KAZN: variants seen among roughly 807,000 people sequenced by gnomAD.
The protein encoded by KAZN is kazrin, periplakin interacting protein.
A neutral mutation model predicts 87.4 loss-of-function variants in KAZN; 40 were observed. The ratio of observed to expected loss-of-function variants is 0.46; its 90% CI spans 0.36 to 0.60. The LOEUF (loss-of-function observed/expected upper bound fraction) is 0.60. Among genes scored for constraint, KAZN ranks in the 20% least tolerant of loss-of-function variants. The pLI is 0.00. For missense variants in KAZN, 898 were observed against 1,073.9 expected (o/e 0.84, Z 2.29); for synonymous variants, 466 against 458.3 (o/e 1.02, Z -0.22).
intron 1 of KAZN, among the ~76,000 whole-genome samples, chr1:13,977,850 G>A (rs1447464460): frequency 6.6e-6 from 1 of 152,172 alleles, no homozygotes; most frequent in Non-Finnish European, 1.5e-5. Context: ...TCTCTAGACT[G>A]GGCACGGTGG....
chr1:15,020,819 A>G (rs933574942), intron 2 of KAZN, among the ~76,000 whole-genome samples: 27 of 152,280 alleles, frequency 1.8e-4, no homozygotes, highest in Admixed American at 1.2e-3. Flanking sequence ...CAGATGGCAA[A>G]AACGCTGGCA....
At chr1:14,501,091 ATAAATAAAT>A (rs1670218043) in intron 2 of KAZN, among the ~76,000 whole-genome samples, 1 of 70,724 alleles carries the variant, frequency 1.4e-5, no homozygotes, top group South Asian at 3.9e-4. Context: ...AAATAAATAA[ATAAATAAAT>A]AAATAAATAA....
rs562470468 is a variant in KAZN, at chr1:14,157,013, T to C, written c.92-23422T>C. On this transcript the variant is annotated intron_variant, in intron 1 of 16. Transcript: ENST00000636203. The stretch of plus-strand genomic sequence containing the variant: ...TATTTTTCATGTATCCTTGTAGTTT[T>C]TTGATTTGAGGTTACCATGAGACTT... Among the ~76,000 whole-genome samples the C allele has an allele frequency of 5.3e-5, 8 of 152,112 alleles. No individual in the cohort carries two copies. In the South Asian group the frequency reaches 1.7e-3, roughly 32 times the overall value.
At chr1:14,017,108 T>C (rs1033539906) in intron 1 of KAZN, among the ~76,000 whole-genome samples, 18 of 152,206 alleles carry the variant, frequency 1.2e-4, no homozygotes, top group Admixed American at 2.0e-4. Flanking sequence ...TCCCTTCTTG[T>C]TCTCAGTATT....
intron 8 of KAZN, among the ~76,000 whole-genome samples, chr1:15,076,408 C>T (rs944423515): frequency 6.6e-6 from 1 of 152,218 alleles, no homozygotes; most frequent in Non-Finnish European, 1.5e-5. Flanking sequence ...AGGCTCAATC[C>T]CAGCATCGGC....
intron 1 of KAZN, among the ~76,000 whole-genome samples, chr1:14,958,382 A>G (rs781716095): frequency 9.8e-5 from 10 of 102,242 alleles, no homozygotes; most frequent in South Asian, 2.8e-4. Flanking sequence ...CACTTCTTAT[A>G]TACATGGAGC....
At chr1:14,117,227 T>C (rs999555903) in intron 1 of KAZN, among the ~76,000 whole-genome samples, 8 of 152,154 alleles carry the variant, frequency 5.3e-5, no homozygotes, top group Non-Finnish European at 1.0e-4. Context: ...TTTGGCTGTG[T>C]CCCCATCCAA....
intron 1 of KAZN, among the ~76,000 whole-genome samples, chr1:14,600,938 T>C (rs1049999319): frequency 6.6e-6 from 1 of 152,218 alleles, no homozygotes; most frequent in African/African-American, 2.4e-5. Context: ...GATGTCCACA[T>C]GCTCAACTTG....
chr1:14,787,934 T>A (rs1318574175), intron 1 of KAZN, among the ~76,000 whole-genome samples: 3 of 152,200 alleles, frequency 2.0e-5, no homozygotes, highest in Admixed American at 2.0e-4. Context: ...TCAGTCAGAC[T>A]TAGGACCATG....
intron 1 of KAZN, among the ~76,000 whole-genome samples, chr1:14,812,167 C>A (rs1646431948): frequency 6.6e-6 from 1 of 152,128 alleles, no homozygotes; most frequent in African/African-American, 2.4e-5. Flanking sequence ...TGAAGGGTGT[C>A]CCAGGATTAG....
chr1:14,183,855 C>T (rs926946719), intron 2 of KAZN, among the ~76,000 whole-genome samples: 3 of 152,096 alleles, frequency 2.0e-5, no homozygotes, highest in African/African-American at 7.2e-5. Context: ...GGGCTTCCTT[C>T]TGCAGGCCAT....
At chr1:15,018,512 G>T (rs1430782559) in intron 2 of KAZN, among the ~76,000 whole-genome samples, 2 of 151,642 alleles carry the variant, frequency 1.3e-5, no homozygotes, top group Non-Finnish European at 2.9e-5. Flanking sequence ...AGCCGTCATG[G>T]GGTCCCCTGG....
At chr1:14,852,055 TG>T (rs1649512351) in intron 1 of KAZN, among the ~76,000 whole-genome samples, 1 of 152,178 alleles carries the variant, frequency 6.6e-6, no homozygotes. Context: ...CTAGGCAATT[TG>T]TTTCTCCTTT....
In KAZN at chr1:14,444,389, C is replaced by T. The variant is rs1042235512; in HGVS notation, c.250-154594C>T. Among the ~76,000 whole-genome samples, 8 of 149,436 alleles carry T rather than the reference C, an allele frequency of 5.4e-5. 1 individual carries two copies. In the South Asian group the frequency reaches 1.7e-3, roughly 32 times the overall value. On this transcript the variant is annotated intron_variant, in intron 2 of 16. Coordinates refer to the KAZN transcript ENST00000636203. ...GTGCAATGGCACAATCTTGGCTCAC[C>T]GCAACCTCCACCTCCCAGGTCCAAC... is the stretch of plus-strand genomic sequence containing the variant.
At position 15,062,562 on chromosome 1, in the gene KAZN, C is replaced by T. The variant is rs145017207; in HGVS notation, c.1048-1010C>T. On this transcript the variant is annotated intron_variant, in intron 6 of 14. Coordinates refer to ENST00000376030, the MANE Select transcript of KAZN (RefSeq NM_201628.3). ...AGCCTGGACTAATGACTGCCTCATC[C>T]TCTCACACTCTGGCCACTAATTTAG... 2.6e-5 allele frequency: 4 copies of T among 152,678 alleles called. No homozygotes were observed. The East Asian group carries it at 7.7e-4, about 29-fold the overall frequency. The allele number at this position is 152,678 out of a possible 1,614,324, so 9.5% of individuals were successfully genotyped here.
At chr1:14,136,890 A>G (rs536407737) in intron 1 of KAZN, among the ~76,000 whole-genome samples, 31 of 152,132 alleles carry the variant, frequency 2.0e-4, no homozygotes, top group African/African-American at 7.0e-4. Context: ...AGGAGAGGTC[A>G]TCAAGCTTTC....
intron 1 of KAZN, among the ~76,000 whole-genome samples, chr1:13,996,810 G>A (rs1054040489): frequency 1.3e-5 from 2 of 152,260 alleles, no homozygotes; most frequent in East Asian, 3.9e-4. Flanking sequence ...CGGATGAGTG[G>A]GTTTCCCCCC....
At chr1:14,946,521 T>C (rs954769946) in intron 1 of KAZN, among the ~76,000 whole-genome samples, 3 of 152,032 alleles carry the variant, frequency 2.0e-5, no homozygotes, top group Non-Finnish European at 4.4e-5. Context: ...GTATTTATAG[T>C]AGAGACAGGG....
At chr1:14,905,822 G>A (rs1025701005) in intron 1 of KAZN, among the ~76,000 whole-genome samples, 2 of 139,454 alleles carry the variant, frequency 1.4e-5, no homozygotes, top group African/African-American at 2.6e-5. Context: ...CAGCCTGGGC[G>A]AGACTGTGAG....
Sources: allele counts gnomAD v4.1 joint callset (sites outside exome capture counted in the v4.1 genomes callset), GRCh38; gene constraint gnomAD v4.1.1; transcripts MANE v1.5; gene names NCBI Gene and HGNC (gene_info 2026-07-23, HGNC 2026-07-21).